The following RABGAP1L variants were observed in gnomAD, a reference collection of about 807,000 sequenced individuals.
RABGAP1L encodes RAB GTPase activating protein 1 like.
RABGAP1L carries 63 observed loss-of-function variants against 137.7 expected under a neutral mutation model. The observed-to-expected ratio is 0.46, with a 90% CI of 0.37 to 0.56. The LOEUF (loss-of-function observed/expected upper bound fraction) is 0.56. Among genes scored for constraint, RABGAP1L ranks in the 20% least tolerant of loss-of-function variants. The pLI, the probability that RABGAP1L is intolerant of heterozygous loss-of-function variation, is 0.00. For synonymous variants in RABGAP1L, 431 were observed against 433.7 expected, an observed-to-expected ratio of 0.99 and a Z score of 0.08; for missense variants, 1,095 against 1,244.0, an observed-to-expected ratio of 0.88 and a Z score of 1.80.
intron 1 of RABGAP1L, among the ~76,000 whole-genome samples, chr1:174,210,762 GA>G (rs551465981): frequency 3.6e-4 from 55 of 152,218 alleles, no homozygotes; most frequent in African/African-American, 1.3e-3. Context: ...ACACCAAGCA[GA>G]TTTAAAGGAA....
intron 10 of RABGAP1L, among the ~76,000 whole-genome samples, chr1:174,290,218 G>T (rs1171789645): frequency 6.6e-6 from 1 of 152,242 alleles, no homozygotes; most frequent in Admixed American, 6.5e-5. Context: ...GAAGCTGTCA[G>T]CAGGGATGTG....
chr1:174,530,254 T>C (rs561541588), intron 13 of RABGAP1L, among the ~76,000 whole-genome samples: 59 of 152,138 alleles, frequency 3.9e-4, no homozygotes, highest in African/African-American at 1.4e-3. Context: ...CAGTAGCCCA[T>C]GTTTGCTCAT....
intron 19 of RABGAP1L, among the ~76,000 whole-genome samples, chr1:174,902,757 T>C (rs1413892595): frequency 1.3e-5 from 2 of 152,208 alleles, no homozygotes; most frequent in Non-Finnish European, 1.5e-5. Context: ...TCTATGCCAC[T>C]CCTGGGTGGG....
chr1:174,633,688 A>G (rs1017403992), intron 13 of RABGAP1L, among the ~76,000 whole-genome samples: 5 of 126,558 alleles, frequency 4.0e-5, no homozygotes, highest in African/African-American at 1.9e-4. Flanking sequence ...AAACAGAGAT[A>G]TAGATCAATG....
At chr1:174,769,293 C>A (rs371148617) in intron 18 of RABGAP1L, among the ~76,000 whole-genome samples, 1 of 151,936 alleles carries the variant, frequency 6.6e-6, no homozygotes, top group Admixed American at 6.6e-5. Flanking sequence ...AAACGGTCAT[C>A]TTGTGCGCTG....
rs150332791 is a variant in RABGAP1L at position 174,389,139 on chromosome 1, C to T, written c.1560-4856C>T. On this transcript the variant is annotated intron_variant, in intron 12 of 25. Transcript: ENST00000681986. ...AATATGCTTTTCATCTTCATAATGA[C>T]CTTTAATCTATCCTTTTTCTTGAAA... is the stretch of plus-strand genomic sequence containing the variant. 8.3e-3 allele frequency among the ~76,000 whole-genome samples: 1,262 copies of T among 152,088 alleles called. 19 individuals are homozygous for T. Among genetic ancestry groups the T allele is most frequent in the African/African-American group, 0.029 (1,211 of 41,504 alleles).
intron 13 of RABGAP1L, among the ~76,000 whole-genome samples, chr1:174,429,620 T>A (rs529578638): frequency 6.6e-6 from 1 of 152,046 alleles, no homozygotes; most frequent in East Asian, 1.9e-4. Context: ...GCACCTGTAA[T>A]CCCAGCTACT....
chr1:174,804,255 G>GTT (rs1300587382), intron 18 of RABGAP1L, among the ~76,000 whole-genome samples: 3 of 67,260 alleles, frequency 4.5e-5, no homozygotes, highest in Non-Finnish European at 1.4e-4. Context: ...TTTTTTTTTT[G>GTT]TTTGTTTTGT....
chr1:174,241,091 C>CG (rs1166161299), intron 4 of RABGAP1L, among the ~76,000 whole-genome samples: 1 of 151,930 alleles, frequency 6.6e-6, no homozygotes, highest in Non-Finnish European at 1.5e-5. Flanking sequence ...GAGGCCAACG[C>CG]GGGGGGTCAC....
chr1:174,744,331 A>G (rs944056095), intron 17 of RABGAP1L, among the ~76,000 whole-genome samples: 1 of 150,654 alleles, frequency 6.6e-6, no homozygotes, highest in Non-Finnish European at 1.5e-5. Flanking sequence ...TGTATTTAAG[A>G]GCAGCTAGTA....
intron 13 of RABGAP1L, among the ~76,000 whole-genome samples, chr1:174,590,620 G>A (rs1331363972): frequency 9.9e-5 from 5 of 50,550 alleles, no homozygotes; most frequent in African/African-American, 1.8e-4. Flanking sequence ...TTGTTCTTGC[G>A]ATAGTTTACT....
intron 13 of RABGAP1L, among the ~76,000 whole-genome samples, chr1:174,585,669 G>T (rs1051306411): frequency 6.6e-6 from 1 of 152,108 alleles, no homozygotes; most frequent in African/African-American, 2.4e-5. Context: ...TTTCCCTGAT[G>T]CGCTAAGCAT....
At chr1:174,429,537 C>T (rs749959379) in intron 13 of RABGAP1L, among the ~76,000 whole-genome samples, 9 of 151,820 alleles carry the variant, frequency 5.9e-5, no homozygotes, top group Non-Finnish European at 8.8e-5. Flanking sequence ...GTCAGGAGCT[C>T]GAGCCCAGCC....
intron 7 of RABGAP1L, among the ~76,000 whole-genome samples, chr1:174,269,277 G>A (rs548288998): frequency 6.6e-6 from 1 of 152,358 alleles, no homozygotes; most frequent in South Asian, 2.1e-4. Flanking sequence ...TCGAGTTTAC[G>A]TTGACGTAAT....
intron 16 of RABGAP1L, 142 bp from the exon 17 acceptor site, chr1:174,701,971 G>A: frequency 3.1e-6 from 2 of 650,558 alleles, no homozygotes; most frequent in Non-Finnish European, 5.1e-6. Context: ...CATCACTTCT[G>A]TGCAGTTATA....
chr1:174,487,045 T>C (rs755639251), intron 13 of RABGAP1L, among the ~76,000 whole-genome samples: 61 of 152,220 alleles, frequency 4.0e-4, no homozygotes, highest in Non-Finnish European at 7.1e-4. Flanking sequence ...ACTTAACATA[T>C]GATCTGTCCT....
intron 14 of RABGAP1L, among the ~76,000 whole-genome samples, chr1:174,655,913 T>C (rs538139840): frequency 6.6e-6 from 1 of 152,326 alleles, no homozygotes; most frequent in East Asian, 1.9e-4. Flanking sequence ...TATGTCTCTG[T>C]CCCAGCTCTA....
intron 13 of RABGAP1L, among the ~76,000 whole-genome samples, chr1:174,576,665 T>G (rs763383582): frequency 6.6e-6 from 1 of 152,218 alleles, no homozygotes; most frequent in Non-Finnish European, 1.5e-5. Context: ...TTATGCTGTT[T>G]ATGTTTAAGT....
At chr1:174,611,018 T>C (rs1671193531) in intron 13 of RABGAP1L, among the ~76,000 whole-genome samples, 1 of 150,620 alleles carries the variant, frequency 6.6e-6, no homozygotes, top group South Asian at 2.1e-4. Flanking sequence ...CTGTTCACTC[T>C]GATGGTAGTT....
Sources: allele counts gnomAD v4.1 joint callset (sites outside exome capture counted in the v4.1 genomes callset), GRCh38; gene constraint gnomAD v4.1.1; transcripts MANE v1.5; gene names NCBI Gene and HGNC (gene_info 2026-07-23, HGNC 2026-07-21).